Variants in CRLF1 observed in about 807,000 individuals in gnomAD.
CRLF1 encodes cytokine receptor like factor 1.
In CRLF1, 36 loss-of-function variants were observed where a neutral mutation model predicts 48.9. The observed-to-expected ratio is 0.74, with a 90% CI of 0.56 to 0.97. The LOEUF (loss-of-function observed/expected upper bound fraction) is 0.97. CRLF1 is among the 50% of genes least tolerant of loss of function. The probability of loss-of-function intolerance (pLI) is 0.00; values close to 1 mark genes in which losing one functional copy is unlikely to be tolerated. For synonymous variants in CRLF1, 256 were observed against 253.4 expected (o/e 1.01, Z -0.10); for missense variants, 534 against 575.1 (o/e 0.93, Z 0.73).
At chr19:18,604,992 TC>T (rs1976271128) in intron 1 of CRLF1, among the ~76,000 whole-genome samples, 1 of 152,002 alleles carries the variant, frequency 6.6e-6, no homozygotes, top group African/African-American at 2.4e-5. Context: ...GGTCCCCATC[TC>T]CCGTCCCGCT....
chr19:18,597,887 G>A (rs953872278), intron 4 of CRLF1, among the ~76,000 whole-genome samples: 1 of 152,074 alleles, frequency 6.6e-6, no homozygotes, highest in African/African-American at 2.4e-5. Flanking sequence ...AGGCGTATGT[G>A]TGTGTTGGGG....
At chr19:18,596,425 A>G (rs539801626) in intron 6 of CRLF1, among the ~76,000 whole-genome samples, 197 bp downstream of exon 6, 20 of 152,170 alleles carry the variant, frequency 1.3e-4, no homozygotes, top group Non-Finnish European at 2.9e-4. Flanking sequence ...CTGTAGTCCC[A>G]GCTACTTGGG....
At chr19:18,598,311 C>T in intron 4 of CRLF1, 121 bp downstream of exon 4, 3 of 1,109,930 alleles carry the variant, frequency 2.7e-6, no homozygotes, top group Non-Finnish European at 3.8e-6. Context: ...CCGGGAGTTG[C>T]CGGGCTGGGG....
chr19:18,599,961 C>T, intron 1 of CRLF1, 115 bp from the exon 2 acceptor site: 3 of 1,141,566 alleles, frequency 2.6e-6, no homozygotes, highest in Non-Finnish European at 3.6e-6. Context: ...AATGATTGTC[C>T]CCCATTTTAC....
intron 6 of CRLF1, among the ~76,000 whole-genome samples, chr19:18,594,892 G>A (rs1209412502): frequency 6.6e-6 from 1 of 152,168 alleles, no homozygotes; most frequent in Non-Finnish European, 1.5e-5. Flanking sequence ...TGTCAGCCCA[G>A]GAGGAAAGGG....
chr19:18,599,888 C>T (rs1600654247), intron 1 of CRLF1, 42 bp from the exon 2 acceptor site: 1 of 1,468,768 alleles, frequency 6.8e-7, no homozygotes, highest in East Asian at 2.4e-5. Flanking sequence ...GGGCGGGGAC[C>T]CTCCAAGCCC....
intron 4 of CRLF1, among the ~76,000 whole-genome samples, chr19:18,598,084 C>A (rs990797975): frequency 6.6e-6 from 1 of 152,178 alleles, no homozygotes; most frequent in African/African-American, 2.4e-5. Flanking sequence ...CTGCGCCCCC[C>A]AGCTCCAGGC....
rs757892992 is a variant in CRLF1, at chr19:18,594,217, C to G, written c.1212+30G>C. 8.1e-6 allele frequency: 13 copies of G among 1,612,262 alleles called. No individual in the cohort carries two copies. The Admixed American group carries it at 2.2e-4, about 27-fold the overall frequency. Reference sequence around the variant, plus strand: ...GGGCCCCCCCAGCTCCCTGTCCCCACCCCCACGCCCGAGGGTCCCTCCTTC... The same window carrying G: ...GGGCCCCCCCAGCTCCCTGTCCCCAGCCCCACGCCCGAGGGTCCCTCCTTC... On this transcript the variant is annotated intron_variant, in intron 7 of 8. Transcript: ENST00000392386.
rs958781692 is a variant in CRLF1, at chr19:18,594,684, C to T, written c.1025-250G>A. On this transcript the variant is annotated intron_variant, in intron 6 of 8. Coordinates refer to ENST00000392386, the MANE Select transcript of CRLF1 (RefSeq NM_004750.5). ...CTCCTCCACATCTCCTCCAGGAACC[C>T]GATTCCTGTGGCCTGAGCCAGGTGC... Among the ~76,000 whole-genome samples the T allele has an allele frequency of 7.2e-5, 11 of 151,882 alleles. No individual in the cohort carries two copies. In the East Asian group the frequency reaches 7.8e-4, roughly 11 times the overall value.
intron 8 of CRLF1, 33 bp downstream of exon 8, chr19:18,594,032 T>TTTGGCC: frequency 1.3e-5 from 9 of 695,810 alleles, no homozygotes; most frequent in Non-Finnish European, 1.8e-5. Flanking sequence ...CTCCCCTTGC[T>TTTGGCC]CCCTCCCGCC....
chr19:18,593,444 C>A lies in CRLF1; in HGVS notation c.*122G>T, dbSNP rs1057055621. Reference sequence around the variant, plus strand: ...TGTTATGGCCGTTGGAGCTCAGGGGCCACCCCAGCTCCTGCTGAGGGTGGC... The same window carrying A: ...TGTTATGGCCGTTGGAGCTCAGGGGACACCCCAGCTCCTGCTGAGGGTGGC... On this transcript the variant is annotated 3_prime_UTR_variant, in exon 9 of 9. Coordinates refer to ENST00000392386, the MANE Select transcript of CRLF1 (RefSeq NM_004750.5). 1.2e-5 allele frequency: 17 copies of A among 1,421,228 alleles called. No homozygotes were observed. The highest frequency in any genetic ancestry group is 1.5e-5 in the Non-Finnish European group (16 of 1,037,292). 88.0% of individuals were successfully genotyped at this position (1,421,228 alleles called of 1,614,324 possible). A position where few individuals can be genotyped will look rare whatever the true frequency, so the allele number is the denominator to read the frequency against.
rs562107248 is a variant in CRLF1, at chr19:18,596,761, G to A, written c.885C>T (p.Ser295=). 1 of 1,614,144 alleles carries A rather than the reference G, an allele frequency of 6.2e-7. No homozygotes were observed. The highest frequency in any genetic ancestry group is 8.5e-7 in the Non-Finnish European group (1 of 1,180,026). The part of the protein sequence containing the change: ...KVVDDVSNQT[S]CRLAGLKPGT... ...CGGGTTTCAGGCCGGCCAGGCGGCA[G>A]GAGGTCTGGTTGCTCACATCGTCCA... is the stretch of plus-strand genomic sequence containing the variant. The change falls in exon 6 of 9, where the codon TCC becomes TCT. Residue 295 remains serine (S), a synonymous_variant. Coordinates refer to ENST00000392386, the MANE Select transcript of CRLF1 (RefSeq NM_004750.5).
chr19:18,595,178 C>G (rs1012952067), intron 6 of CRLF1, among the ~76,000 whole-genome samples: 16 of 152,200 alleles, frequency 1.1e-4, no homozygotes, highest in African/African-American at 3.9e-4. Flanking sequence ...GCTGACAGGC[C>G]CTGGCACGGC....
intron 4 of CRLF1, among the ~76,000 whole-genome samples, chr19:18,598,121 C>A (rs1976166780): frequency 6.6e-6 from 1 of 152,188 alleles, no homozygotes; most frequent in South Asian, 2.1e-4. Flanking sequence ...GCCTCCCGAC[C>A]TGGGCGCCCC....
In CRLF1 at chr19:18,598,686, C is replaced by T. The variant is rs1310327893; in HGVS notation, c.528-85G>A. On this transcript the variant is annotated intron_variant, in intron 3 of 8. Coordinates refer to ENST00000392386, the MANE Select transcript of CRLF1 (RefSeq NM_004750.5). ...CATGGCAGCCTCAGGGTGCAGACAA[C>T]ACATGGGGGCTCAGAGAGGGTCCGC... The T allele has an allele frequency of 7.4e-6, 12 of 1,613,624 alleles. No individual in the cohort carries two copies. The East Asian group carries it at 1.6e-4, about 21-fold the overall frequency.
rs780244288 is a variant in CRLF1, at chr19:18,598,507, C to T, written c.622G>A (p.Glu208Lys). The T allele has an allele frequency of 6.2e-7, 1 of 1,614,142 alleles. No individual in the cohort carries two copies. The highest frequency in any genetic ancestry group is 8.5e-7 in the Non-Finnish European group (1 of 1,180,006). ...PKDLALFTPYEIWVEATNRLG... is the reference protein window; with the variant it reads ...PKDLALFTPYKIWVEATNRLG... ...CGGTTGGTGGCCTCCACCCAGATCT[C>T]ATAGGGCGTAAAGAGAGCCAGGTCC... is the stretch of plus-strand genomic sequence containing the variant. Residue 208 changes from glutamate to lysine, a missense_variant, in exon 4 of 9, where the codon GAG (glutamate) becomes AAG (lysine). Around this residue, in one of 2 missense-constraint regions of CRLF1, gnomAD observed 528 missense variants for 555.7 expected, o/e 0.95. Transcript: ENST00000392386.
intron 6 of CRLF1, among the ~76,000 whole-genome samples, chr19:18,595,962 G>A (rs923889128): frequency 6.6e-6 from 1 of 152,184 alleles, no homozygotes; most frequent in Admixed American, 6.5e-5. Context: ...AGTCTGAGTG[G>A]CCAAAACAGA....
At chr19:18,598,173 C>A (rs896583935) in intron 4 of CRLF1, among the ~76,000 whole-genome samples, 2 of 152,148 alleles carry the variant, frequency 1.3e-5, no homozygotes, top group Non-Finnish European at 2.9e-5. Flanking sequence ...CCTGGGCTGC[C>A]GAGGGGGTGG....
Position 18,594,255 on chromosome 19 carries a change from G to C in CRLF1, c.1204C>G (p.Arg402Gly). Residue 402 changes from arginine (R) to glycine (G), a missense_variant, in exon 7 of 9, where the codon CGC becomes GGC. By Grantham distance (125) the Arg-to-Gly change is moderately radical (BLOSUM62 -2). This residue lies in a region of CRLF1 where 528 missense variants were observed against 555.7 expected (regional missense o/e 0.95). Coordinates refer to ENST00000392386, the MANE Select transcript of CRLF1 (RefSeq NM_004750.5). ...GGGTCCCTCCTTCCTACCTGGTTGCGGGTCTTGTGCGACTTCTGCATCCAG... is the reference window on the plus strand; with the variant it reads ...GGGTCCCTCCTTCCTACCTGGTTGCCGGTCTTGTGCGACTTCTGCATCCAG... ...RAWMQKSHKT[R>G]NQDEGILPSG... 6.2e-7 allele frequency: 1 copy of C among 1,612,296 alleles called. No homozygotes were observed. Among genetic ancestry groups the C allele is most frequent in the Non-Finnish European group, 8.5e-7 (1 of 1,179,846 alleles).
Sources: gnomAD v4.1 joint callset for allele counts (sites outside exome capture counted in the v4.1 genomes callset) on GRCh38, gnomAD v4.1.1 for gene constraint, gnomAD v4.1.1 regional missense constraint, MANE v1.5 for transcripts, NCBI Gene and HGNC (gene_info 2026-07-23, HGNC 2026-07-21) for gene names.